The following ETFA variants were observed in gnomAD, a reference collection of about 807,000 sequenced individuals.
ETFA encodes the protein electron transfer flavoprotein subunit alpha, also known as electron transfer flavoprotein subunit alpha, mitochondrial.
ETFA carries 22 observed loss-of-function variants against 46.2 expected under a neutral mutation model. That is an observed-to-expected ratio of 0.48 (90% CI 0.34 to 0.68). The LOEUF (loss-of-function observed/expected upper bound fraction) is 0.68, where lower values mean the gene tolerates loss of function less well. ETFA is among the 30% of genes least tolerant of loss of function. ETFA has a pLI of 0.01. For missense variants in ETFA, 345 were observed against 401.1 expected, an observed-to-expected ratio of 0.86 and a Z score of 1.19; for synonymous variants, 131 against 139.9, an observed-to-expected ratio of 0.94 and a Z score of 0.45.
At chr15:76,306,297 C>T (rs1262745358) in intron 1 of ETFA, among the ~76,000 whole-genome samples, 100 of 100,374 alleles carry the variant, frequency 1.0e-3, no homozygotes, top group African/African-American at 3.1e-3. Flanking sequence ...GACAGAGTCT[C>T]GCTCAGTCGC....
At chr15:76,261,356 A>C in intron 9 of ETFA, 1 of 1,273,750 alleles carries the variant, frequency 7.9e-7, no homozygotes, top group Non-Finnish European at 1.1e-6. Context: ...TCCACCTTGC[A>C]CCAGTACTGG....
In ETFA at chr15:76,290,333, C is replaced by CTTTTTTTTTTT. The variant is rs10682432; in HGVS notation, c.351+2087_351+2097dup. On this transcript the variant is annotated intron_variant, in intron 4 of 11. Transcript: ENST00000557943. ...AACATTATGAGCCAAAGTCGCTACT[C>CTTTTTTTTTTT]TTTTTTTTTTTTTTTTTTTTTGAGA... Among the ~76,000 whole-genome samples, 91 of 97,136 alleles carry CTTTTTTTTTTT rather than the reference C, an allele frequency of 9.4e-4. 6 individuals are homozygous for CTTTTTTTTTTT. The highest frequency in any genetic ancestry group is 2.4e-3 in the African/African-American group (61 of 25,834). The allele number at this position is 97,136 out of a possible 152,430, so 63.7% of individuals were successfully genotyped here. A position where few individuals can be genotyped will look rare whatever the true frequency, so the allele number is the denominator to read the frequency against.
chr15:76,290,333 CTTTTT>C (rs10682432), intron 4 of ETFA, among the ~76,000 whole-genome samples: 5 of 97,138 alleles, frequency 5.1e-5, no homozygotes, highest in African/African-American at 1.5e-4. Flanking sequence ...AGTCGCTACT[CTTTTT>C]TTTTTTTTTT....
intron 9 of ETFA, among the ~76,000 whole-genome samples, chr15:76,247,469 A>G (rs1178364321): frequency 2.0e-5 from 3 of 152,152 alleles, no homozygotes; most frequent in Admixed American, 6.5e-5. Context: ...ACTTCTTAGG[A>G]TCCAATAGTA....
chr15:76,234,640 G>C (rs998944565), intron 9 of ETFA, among the ~76,000 whole-genome samples: 1 of 152,146 alleles, frequency 6.6e-6, no homozygotes, highest in Non-Finnish European at 1.5e-5. Flanking sequence ...AGGCCTCGTG[G>C]CTTTAGAATC....
At chr15:76,221,117 T>C (rs950049180) in intron 11 of ETFA, among the ~76,000 whole-genome samples, 1 of 152,200 alleles carries the variant, frequency 6.6e-6, no homozygotes, top group African/African-American at 2.4e-5. Context: ...AAATGTTACA[T>C]ACCCCTACAA....
In ETFA at chr15:76,283,774, T is replaced by C. The variant is rs1260250211; in HGVS notation, c.716A>G (p.Asp239Gly). 1 of 1,608,594 alleles carries C rather than the reference T, an allele frequency of 6.2e-7. No homozygotes were observed. Among genetic ancestry groups the C allele is most frequent in the Non-Finnish European group, 8.5e-7 (1 of 1,175,144 alleles). The change falls in exon 8 of 12, where the codon GAT (aspartate) becomes GGT (glycine). Residue 239 changes from aspartate (D) to glycine (G), a missense_variant. Coordinates refer to ENST00000557943, the MANE Select transcript of ETFA (RefSeq NM_000126.4). Reference protein sequence around the residue: ...ENFKLLYDLADQLHAAVGASR... With the variant: ...ENFKLLYDLAGQLHAAVGASR... ...AACTTTACCTGCAGCATGTAGTTGA[T>C]CTGCCAAGTCATATAACAACTTAAA...
intron 10 of ETFA, among the ~76,000 whole-genome samples, chr15:76,229,693 C>T (rs1260225215): frequency 6.6e-6 from 1 of 152,188 alleles, no homozygotes; most frequent in East Asian, 1.9e-4. Flanking sequence ...AACCTACCAT[C>T]CAACTGTAAA....
intron 8 of ETFA, among the ~76,000 whole-genome samples, chr15:76,279,450 T>A (rs1204724704): frequency 6.6e-6 from 1 of 152,058 alleles, no homozygotes; most frequent in East Asian, 1.9e-4. Flanking sequence ...CTAATTCTGA[T>A]ATTGTTTGTA....
chr15:76,257,398 C>A (rs2039355344), intron 9 of ETFA, among the ~76,000 whole-genome samples: 1 of 152,082 alleles, frequency 6.6e-6, no homozygotes, highest in African/African-American at 2.4e-5. Flanking sequence ...ATTTATGCAG[C>A]CAAAAGACAC....
chr15:76,309,730 A>G (rs2039971236), intron 1 of ETFA, among the ~76,000 whole-genome samples: 1 of 152,144 alleles, frequency 6.6e-6, no homozygotes, highest in African/African-American at 2.4e-5. Flanking sequence ...CTGTTTTCCA[A>G]CTGCTGCATA....
intron 7 of ETFA, chr15:76,285,021 G>A (rs2039693222): frequency 3.8e-6 from 1 of 265,978 alleles, no homozygotes. Flanking sequence ...ATAGAAGGCT[G>A]TCTGAAAGCT....
chr15:76,309,340 A>G (rs1386723950), intron 1 of ETFA, among the ~76,000 whole-genome samples: 2 of 152,072 alleles, frequency 1.3e-5, no homozygotes, highest in East Asian at 3.9e-4. Context: ...AGTCCCAGCT[A>G]CTCAGGAGGC....
chr15:76,288,562 C>T (rs1044239685), intron 4 of ETFA, among the ~76,000 whole-genome samples: 6 of 151,676 alleles, frequency 4.0e-5, no homozygotes, highest in African/African-American at 1.2e-4. Context: ...AAAAATTAGC[C>T]GGGGATGGTG....
chr15:76,279,003 C>T (rs914909102), intron 8 of ETFA, among the ~76,000 whole-genome samples: 2 of 152,172 alleles, frequency 1.3e-5, no homozygotes, highest in African/African-American at 4.8e-5. Flanking sequence ...GGAGCATTCC[C>T]ATCAGCATAG....
At chr15:76,309,117 A>G (rs999929615) in intron 1 of ETFA, among the ~76,000 whole-genome samples, 2 of 152,208 alleles carry the variant, frequency 1.3e-5, no homozygotes, top group African/African-American at 4.8e-5. Flanking sequence ...CTTTTATGCT[A>G]GAAATCCAAA....
At chr15:76,273,842 T>C (rs2039566470) in intron 9 of ETFA, among the ~76,000 whole-genome samples, 2 of 152,186 alleles carry the variant, frequency 1.3e-5, no homozygotes, top group Admixed American at 6.5e-5. Flanking sequence ...TGATTCAACT[T>C]TGAGACCAAA....
chr15:76,287,787 A>T, intron 5 of ETFA, 59 bp downstream of exon 5: 1 of 1,167,710 alleles, frequency 8.6e-7, no homozygotes, highest in Middle Eastern at 1.9e-4. Context: ...CTTCAAGATT[A>T]ATTTATGCTT....
chr15:76,273,214 A>G (rs1396126213), intron 9 of ETFA, among the ~76,000 whole-genome samples: 4 of 152,174 alleles, frequency 2.6e-5, no homozygotes, highest in East Asian at 1.9e-4. Context: ...AAAGAAAAAG[A>G]AAAAGAACTC....
Sources: gnomAD v4.1 joint callset for allele counts (sites outside exome capture counted in the v4.1 genomes callset) on GRCh38, gnomAD v4.1.1 for gene constraint, MANE v1.5 for transcripts, NCBI Gene and HGNC (gene_info 2026-07-23, HGNC 2026-07-21) for gene names.